STT3A: variants seen among roughly 807,000 people sequenced by gnomAD.
STT3A encodes dolichyl-diphosphooligosaccharide--protein glycosyltransferase subunit STT3A.
STT3A carries 34 observed loss-of-function variants against 89.2 expected under a neutral mutation model. The observed-to-expected ratio is 0.38, with a 90% CI of 0.29 to 0.51. STT3A has a LOEUF of 0.51. Ranked by LOEUF, STT3A falls within the 20% of genes least tolerant of loss-of-function variation. STT3A has a pLI of 0.89. For missense variants in STT3A, 555 were observed against 889.5 expected (o/e 0.62, Z 4.78); for synonymous variants, 282 against 310.3 (o/e 0.91, Z 0.96).
rs759096909 is a variant in STT3A, at chr11:125,620,090, A to G, written c.2043A>G (p.Ala681=). The G allele has an allele frequency of 1.2e-6, 2 of 1,614,188 alleles. No individual in the cohort carries two copies. Among genetic ancestry groups the G allele is most frequent in the Non-Finnish European group, 1.7e-6 (2 of 1,180,012 alleles). The part of the protein sequence containing the change: ...KDFELDVLEE[A]YTTEHWLVRI... ...TTGAGCTTGATGTCCTGGAGGAAGC[A>G]TATACCACAGAACATTGGCTGGTCA... The change falls in exon 17 of 18, where the codon GCA becomes GCG. Residue 681 remains alanine (A), a synonymous_variant. Transcript: ENST00000392708.
Position 125,613,215 on chromosome 11 carries a change from G to T in STT3A, c.1554+38G>T, listed in dbSNP as rs772652425. On this transcript the variant is annotated intron_variant, in intron 13 of 17. Coordinates refer to ENST00000392708, the MANE Select transcript of STT3A (RefSeq NM_152713.5). This position sits in a 1 kb window ranked among gnomAD's most constrained non-coding sequence, Gnocchi z 4.2. ...GAGGGGTGGGAATTGTGGGTTAGGGGCAAAGGGGAAGACATTTGATGTTAC... is the reference window on the plus strand; with the variant it reads ...GAGGGGTGGGAATTGTGGGTTAGGGTCAAAGGGGAAGACATTTGATGTTAC... 6 of 1,604,620 alleles carry T rather than the reference G, an allele frequency of 3.7e-6. No homozygotes were observed. The highest frequency in any genetic ancestry group is 4.3e-6 in the Non-Finnish European group (5 of 1,173,936).
intron 17 of STT3A, 39 bp downstream of exon 17, chr11:125,620,165 T>G: frequency 6.5e-7 from 1 of 1,532,022 alleles, no homozygotes. Context: ...CAACTTTTAT[T>G]TTTGGAGATT....
rs768674622 is a variant in STT3A at position 125,609,385 on chromosome 11, G to A, written c.962-49G>A. ...AAGTTGTGATTCATTTGGATCAGAT[G>A]TTTGTTTGAAGAGTGTGTGTGGAAT... On this transcript the variant is annotated intron_variant, in intron 9 of 17. Coordinates refer to ENST00000392708, the MANE Select transcript of STT3A (RefSeq NM_152713.5). The A allele has an allele frequency of 3.3e-6, 5 of 1,513,496 alleles. No individual in the cohort carries two copies. The East Asian group carries it at 7.1e-5, about 21-fold the overall frequency. 93.8% of individuals were successfully genotyped at this position (1,513,496 alleles called of 1,614,324 possible). A position where few individuals can be genotyped will look rare whatever the true frequency, so the allele number is the denominator to read the frequency against.
At position 125,620,784 on chromosome 11, in the gene STT3A, G is replaced by A. The variant is rs1360441490; in HGVS notation, c.2092G>A (p.Asp698Asn). The change falls in exon 18 of 18, where the codon GAT becomes AAT. Residue 698 changes from aspartate (D) to asparagine (N), a missense_variant. By Grantham distance (23) the Asp-to-Asn change is conservative. Transcript: ENST00000392708. Reference sequence around the variant, plus strand: ...CTTTATGTTGCAGGTAAAGGACCTGGATAATCGAGGCTTGTCAAGGACATA... The same window carrying A: ...CTTTATGTTGCAGGTAAAGGACCTGAATAATCGAGGCTTGTCAAGGACATA... The part of the protein sequence containing the change: ...LVRIYKVKDL[D>N]NRGLSRT The A allele has an allele frequency of 6.2e-7, 1 of 1,613,824 alleles. No individual in the cohort carries two copies. Among genetic ancestry groups the A allele is most frequent in the South Asian group, 1.1e-5 (1 of 91,064 alleles).
In STT3A at chr11:125,612,691, C is replaced by T. The variant is rs866202820; in HGVS notation, c.1309C>T (p.Arg437Cys). The T allele has an allele frequency of 3.1e-6, 5 of 1,614,104 alleles. No individual in the cohort carries two copies. The highest frequency in any genetic ancestry group is 3.4e-6 in the Non-Finnish European group (4 of 1,180,038). The change falls in exon 12 of 18, where the codon CGT becomes TGT. Residue 437 changes from arginine to cysteine, a missense_variant. Arg to Cys is a radical substitution (Grantham distance 180). Around this residue, in one of 5 missense-constraint regions of STT3A, gnomAD observed 273 missense variants for 449.8 expected, o/e 0.61. Transcript: ENST00000392708. ...STYMKNLDIS[R>C]PDKKSKKQQD... is the part of the protein sequence containing the mutation. ...ATACATGAAGAATCTGGACATAAGT[C>T]GTCCAGACAAGAAGAGCAAGAAGCA...
intron 2 of STT3A, 81 bp from the exon 3 acceptor site, chr11:125,596,978 T>TA (rs1381642840): frequency 6.9e-6 from 10 of 1,453,820 alleles, no homozygotes; most frequent in Non-Finnish European, 7.7e-6. Context: ...TACTGGATAA[T>TA]ACTGTCTTCA....
At position 125,604,181 on chromosome 11, in the gene STT3A, G is replaced by A; in HGVS notation, c.442G>A (p.Ala148Thr). The change falls in exon 6 of 18, where the codon GCT becomes ACT. Residue 148 changes from alanine to threonine, a missense_variant. Ala to Thr is a moderately conservative substitution (Grantham distance 58). Around this residue, in one of 5 missense-constraint regions of STT3A, gnomAD observed 129 missense variants for 193.2 expected, o/e 0.67. Transcript: ENST00000392708. ...GGATGCAGGGGCTGGGCTTCTTGCT[G>A]CTGCCATGATTGCTGTAGTTCCTGG... is the stretch of plus-strand genomic sequence containing the variant. ...LKDAGAGLLA[A>T]AMIAVVPGYI... 1.2e-6 allele frequency: 2 copies of A among 1,614,008 alleles called. No homozygotes were observed. Among genetic ancestry groups the A allele is most frequent in the Non-Finnish European group, 1.7e-6 (2 of 1,179,946 alleles).
chr11:125,601,116 G>GT (rs1239650701), intron 3 of STT3A, among the ~76,000 whole-genome samples: 8 of 152,166 alleles, frequency 5.3e-5, no homozygotes, highest in African/African-American at 1.9e-4. Flanking sequence ...TTCTATATAG[G>GT]TGACATAAGA....
At position 125,595,981 on chromosome 11, in the gene STT3A, T is replaced by C; in HGVS notation, c.66T>C (p.Ile22=). 5 of 1,613,932 alleles carry C rather than the reference T, an allele frequency of 3.1e-6. No homozygotes were observed. Among genetic ancestry groups the C allele is most frequent in the Non-Finnish European group, 4.2e-6 (5 of 1,179,802 alleles). The change falls in exon 2 of 18, where the codon ATT becomes ATC. Residue 22 remains isoleucine (I), a synonymous_variant. Coordinates refer to ENST00000392708, the MANE Select transcript of STT3A (RefSeq NM_152713.5). ...AGGACACACTTTTGAAGCTTCTCATTCTGTCAATGGCTGCTGTATTATGTG... is the reference window on the plus strand; with the variant it reads ...AGGACACACTTTTGAAGCTTCTCATCCTGTCAATGGCTGCTGTATTATGTG... ...EKQDTLLKLL[I]LSMAAVLSFS... is the part of the protein sequence containing the mutation.
chr11:125,620,176 G>T (rs1169608972), intron 17 of STT3A, 50 bp downstream of exon 17: 1 of 1,440,180 alleles, frequency 6.9e-7, no homozygotes, highest in South Asian at 1.2e-5. Flanking sequence ...TTTGGAGATT[G>T]GTTTCAATGC....
Position 125,620,916 on chromosome 11 carries a change from CTGGATGGCATCAGAAT to C in STT3A, c.*109_*124del. 1 of 906,036 alleles carries C rather than the reference CTGGATGGCATCAGAAT, an allele frequency of 1.1e-6. No individual in the cohort carries two copies. 56.1% of individuals were successfully genotyped at this position (906,036 alleles called of 1,614,324 possible). A position where few individuals can be genotyped will look rare whatever the true frequency, so the allele number is the denominator to read the frequency against. ...TAATATGCAGTTTGTAAGAACAAAA[CTGGATGGCATCAGAAT>C]TGTCTGGAAGTTTTGTCTTGGGCAG... On this transcript the variant is annotated 3_prime_UTR_variant, in exon 18 of 18. Coordinates refer to ENST00000392708, the MANE Select transcript of STT3A (RefSeq NM_152713.5).
At chr11:125,600,068 G>T (rs1376946189) in intron 3 of STT3A, among the ~76,000 whole-genome samples, 1 of 147,014 alleles carries the variant, frequency 6.8e-6, no homozygotes, top group Non-Finnish European at 1.5e-5. Flanking sequence ...AATTTTTTTT[G>T]AGATGGAGTT....
chr11:125,614,285 T>G lies in STT3A; in HGVS notation c.1672-39T>G, dbSNP rs961429847. Reference sequence around the variant, plus strand: ...GTCTGCATGAGGGGATCATATGACTTGGGATTTTGCTCTGAGAATTGTACA... The same window carrying G: ...GTCTGCATGAGGGGATCATATGACTGGGGATTTTGCTCTGAGAATTGTACA... On this transcript the variant is annotated intron_variant, in intron 14 of 17. Coordinates refer to ENST00000392708, the MANE Select transcript of STT3A (RefSeq NM_152713.5). This position sits in a 1 kb window ranked among gnomAD's most constrained non-coding sequence, Gnocchi z 4.9. 2 of 1,613,658 alleles carry G rather than the reference T, an allele frequency of 1.2e-6. No homozygotes were observed. Among genetic ancestry groups the G allele is most frequent in the Middle Eastern group, 3.3e-4 (2 of 6,060 alleles).
chr11:125,605,547 A>C, intron 6 of STT3A, 82 bp from the exon 7 acceptor site: 1 of 958,764 alleles, frequency 1.0e-6, no homozygotes, highest in South Asian at 1.7e-5. Context: ...TAGTAGATCC[A>C]GGCAGTCTGT....
chr11:125,598,634 T>C (rs1939572549), intron 3 of STT3A, among the ~76,000 whole-genome samples: 1 of 152,174 alleles, frequency 6.6e-6, no homozygotes, highest in Non-Finnish European at 1.5e-5. Context: ...TGAGATTGGG[T>C]CTGACTGTCA....
At chr11:125,618,813 C>T (rs1420612566) in intron 16 of STT3A, among the ~76,000 whole-genome samples, 1 of 151,762 alleles carries the variant, frequency 6.6e-6, no homozygotes, top group African/African-American at 2.4e-5. Flanking sequence ...TGGCTCACTG[C>T]AGCCTTGATT....
At chr11:125,619,112 C>T (rs111252746) in intron 16 of STT3A, among the ~76,000 whole-genome samples, 11,545 of 152,058 alleles carry the variant, frequency 0.076, 519 homozygotes, top group African/African-American at 0.12. Context: ...TGCAGTGGCA[C>T]GATCTTGGCT....
At chr11:125,592,557 G>C (rs577852517), upstream of STT3A, 84 of 449,104 alleles carry the variant, frequency 1.9e-4, 4 homozygotes, top group African/African-American at 2.6e-4. Context: ...ACTCCCCGTG[G>C]GTCCGCAAAC....
At position 125,621,976 on chromosome 11, in the gene STT3A, A is replaced by C. The variant is rs943792239; in HGVS notation, c.*1166A>C. On this transcript the variant is annotated 3_prime_UTR_variant, in exon 18 of 18. Transcript: ENST00000392708. ...CTTGGGCCTGGGAGGTTGAGGCTAC[A>C]GTGAACTGTGATTGTGCCACTGTAC... The C allele has an allele frequency of 3.3e-5, 5 of 152,278 alleles. No individual in the cohort carries two copies. The highest frequency in any genetic ancestry group is 5.9e-5 in the Non-Finnish European group (4 of 68,070). 9.4% of individuals were successfully genotyped at this position (152,278 alleles called of 1,614,324 possible).
Sources: gnomAD v4.1 joint callset for allele counts (sites outside exome capture counted in the v4.1 genomes callset) on GRCh38, gnomAD v4.1.1 for gene constraint, gnomAD v4.1.1 regional missense constraint, Gnocchi (gnomAD v3.1) non-coding constraint, MANE v1.5 for transcripts, NCBI Gene and HGNC (gene_info 2026-07-23, HGNC 2026-07-21) for gene names.